MYOCD: variants seen among roughly 807,000 people sequenced by gnomAD.
The protein encoded by MYOCD is myocardin.
MYOCD carries 32 observed loss-of-function variants against 96.1 expected under a neutral mutation model. The ratio of observed to expected loss-of-function variants is 0.33; its 90% CI spans 0.25 to 0.45. The LOEUF (loss-of-function observed/expected upper bound fraction) is 0.45. Among genes scored for constraint, MYOCD ranks in the 20% least tolerant of loss-of-function variants. The pLI is 1.00. For synonymous variants in MYOCD, 469 were observed against 469.0 expected, an observed-to-expected ratio of 1.00 and a Z score of 0.00; for missense variants, 1,133 against 1,200.6, an observed-to-expected ratio of 0.94 and a Z score of 0.83.
At chr17:12,721,952 A>G (rs1376071879) in intron 4 of MYOCD, among the ~76,000 whole-genome samples, 2 of 152,192 alleles carry the variant, frequency 1.3e-5, no homozygotes, top group African/African-American at 4.8e-5. Context: ...TGTGGCAACC[A>G]ATAAGACATC....
In MYOCD at chr17:12,707,420, A is replaced by G. The variant is rs193277353; in HGVS notation, c.121+2227A>G. 1.9e-3 allele frequency among the ~76,000 whole-genome samples: 295 copies of G among 152,204 alleles called. 1 individual carries two copies. The highest frequency in any genetic ancestry group is 2.7e-3 in the Non-Finnish European group (187 of 68,008). On this transcript the variant is annotated intron_variant, in intron 2 of 13. Coordinates refer to ENST00000425538, the MANE Select transcript of MYOCD (RefSeq NM_001146312.3). ...GGAAAGCTGATAAAAAGCACACAGA[A>G]GCAGGCTGGGCACGGTGACTCAAGC...
Position 12,765,504 on chromosome 17 carries a change from G to C in MYOCD, c.*1860G>C, listed in dbSNP as rs879327605. 8 of 152,122 alleles carry C rather than the reference G, an allele frequency of 5.3e-5. No individual in the cohort carries two copies. Among genetic ancestry groups the C allele is most frequent in the Non-Finnish European group, 7.3e-5 (5 of 68,034 alleles). The allele number at this position is 152,122 out of a possible 1,614,324, so 9.4% of individuals were successfully genotyped here. A position where few individuals can be genotyped will look rare whatever the true frequency, so the allele number is the denominator to read the frequency against. On this transcript the variant is annotated 3_prime_UTR_variant, in exon 14 of 14. Transcript: ENST00000425538. ...AAAGCTGCCAGATCTTATTCTGGGG[G>C]TGGGATGTGGAGGAATACACATACA...
intron 5 of MYOCD, among the ~76,000 whole-genome samples, chr17:12,731,375 T>G (rs1438195669): frequency 2.6e-5 from 4 of 152,162 alleles, no homozygotes; most frequent in Non-Finnish European, 5.9e-5. Flanking sequence ...AAGGAACCTC[T>G]CAGGACCAAC....
At chr17:12,728,923 A>AGG (rs1252531347) in intron 5 of MYOCD, among the ~76,000 whole-genome samples, 1 of 152,240 alleles carries the variant, frequency 6.6e-6, no homozygotes, top group Non-Finnish European at 1.5e-5. Flanking sequence ...ACCCATTTCT[A>AGG]TCATTTACAT....
At chr17:12,691,764 G>A (rs1271003693) in intron 1 of MYOCD, among the ~76,000 whole-genome samples, 1 of 152,212 alleles carries the variant, frequency 6.6e-6, no homozygotes, top group Admixed American at 6.5e-5. Context: ...TTACACTCAT[G>A]AGATAAAAGT....
chr17:12,730,735 C>T (rs1039364498), intron 5 of MYOCD, among the ~76,000 whole-genome samples: 2 of 152,118 alleles, frequency 1.3e-5, no homozygotes, highest in Non-Finnish European at 2.9e-5. Flanking sequence ...CAGTCTCTTC[C>T]AGGATGTCAG....
intron 1 of MYOCD, among the ~76,000 whole-genome samples, chr17:12,694,954 G>A (rs905720294): frequency 1.3e-5 from 2 of 150,664 alleles, no homozygotes; most frequent in Non-Finnish European, 2.9e-5. Flanking sequence ...CATTTGATGG[G>A]TATTAAATGG....
intron 1 of MYOCD, among the ~76,000 whole-genome samples, chr17:12,675,836 G>A (rs2150632209): frequency 6.6e-6 from 1 of 152,310 alleles, no homozygotes; most frequent in African/African-American, 2.4e-5. Flanking sequence ...TCCAGCCTGG[G>A]TGACAGAGCA....
In MYOCD at chr17:12,705,401, G is replaced by A. The variant is rs2031252555; in HGVS notation, c.121+208G>A. The A allele has an allele frequency of 1.3e-5, 6 of 453,856 alleles. No homozygotes were observed. In the Admixed American group the frequency reaches 2.1e-4, roughly 16 times the overall value. The allele number at this position is 453,856 out of a possible 1,614,324, so 28.1% of individuals were successfully genotyped here. On this transcript the variant is annotated intron_variant, in intron 2 of 13. Transcript: ENST00000425538. ...CAAGGGGCTCCTTTTAATGATACTG[G>A]TTATGCCTAAAATTCCAATGTAGTG...
intron 9 of MYOCD, among the ~76,000 whole-genome samples, chr17:12,746,973 C>T (rs1047535532): frequency 2.0e-5 from 3 of 152,000 alleles, no homozygotes; most frequent in African/African-American, 7.2e-5. Context: ...GGTGATCCAC[C>T]GGCCTTGGCC....
At chr17:12,677,061 C>G (rs78035225) in intron 1 of MYOCD, among the ~76,000 whole-genome samples, 6 of 152,166 alleles carry the variant, frequency 3.9e-5, no homozygotes, top group African/African-American at 1.4e-4. Flanking sequence ...TTAATTCACA[C>G]TATGCAGCCA....
At chr17:12,759,794 A>G (rs577225899) in intron 12 of MYOCD, among the ~76,000 whole-genome samples, 1 of 152,340 alleles carries the variant, frequency 6.6e-6, no homozygotes, top group Non-Finnish European at 1.5e-5. Flanking sequence ...TGGAGCAACC[A>G]AGCAAGAGGT....
intron 6 of MYOCD, among the ~76,000 whole-genome samples, 181 bp downstream of exon 6, chr17:12,736,517 G>A (rs1003597972): frequency 2.0e-5 from 3 of 152,156 alleles, no homozygotes; most frequent in Non-Finnish European, 4.4e-5. Context: ...TGTGTGGGGT[G>A]ACAAAAGCTC....
At position 12,763,598 on chromosome 17, in the gene MYOCD, A is replaced by G; in HGVS notation, c.2915A>G (p.Asp972Gly). 1.2e-6 allele frequency: 2 copies of G among 1,614,020 alleles called. No homozygotes were observed. Among genetic ancestry groups the G allele is most frequent in the Non-Finnish European group, 1.7e-6 (2 of 1,179,970 alleles). ...AACATCGATTTCCTGGATGTCACTG[A>G]TCTCAATTTGAATTCTTCCATGGAC... ...IFNIDFLDVT[D>G]LNLNSSMDLH... The change falls in exon 14 of 14, where the codon GAT (aspartate) becomes GGT (glycine). Residue 972 changes from aspartate (D) to glycine (G), a missense_variant. Coordinates refer to ENST00000425538, the MANE Select transcript of MYOCD (RefSeq NM_001146312.3).
At position 12,713,552 on chromosome 17, in the gene MYOCD, C is replaced by T. The variant is rs1479584152; in HGVS notation, c.122-1967C>T. Among the ~76,000 whole-genome samples the T allele has an allele frequency of 2.0e-5, 3 of 152,174 alleles. No homozygotes were observed. In the South Asian group the frequency reaches 6.2e-4, roughly 31 times the overall value. On this transcript the variant is annotated intron_variant, in intron 2 of 13. Coordinates refer to ENST00000425538, the MANE Select transcript of MYOCD (RefSeq NM_001146312.3). ...GGCCACACGAAGATCCATTCATTTT[C>T]TGGGTTATGTAAGTAATTAAACTAC... is the stretch of plus-strand genomic sequence containing the variant.
intron 5 of MYOCD, among the ~76,000 whole-genome samples, chr17:12,733,191 G>A (rs946292532): frequency 6.6e-6 from 1 of 151,642 alleles, no homozygotes. Context: ...GTGCCTGTAG[G>A]ACCAGCTACT....
intron 1 of MYOCD, among the ~76,000 whole-genome samples, chr17:12,677,416 A>T (rs115950603): frequency 0.14 from 20,944 of 148,350 alleles, 1,671 homozygotes; most frequent in African/African-American, 0.21. Context: ...CTTAAAAATT[A>T]AAAAAAAACT....
chr17:12,708,164 T>C (rs904851996), intron 2 of MYOCD, among the ~76,000 whole-genome samples: 18 of 152,098 alleles, frequency 1.2e-4, no homozygotes, highest in African/African-American at 4.1e-4. Flanking sequence ...GAAACTGAGG[T>C]TAAAGAGGCC....
rs71144923 is a variant in MYOCD, at chr17:12,754,061, GGTGT to G, written c.2058+726_2058+729del. On this transcript the variant is annotated intron_variant, in intron 10 of 13. Coordinates refer to ENST00000425538, the MANE Select transcript of MYOCD (RefSeq NM_001146312.3). ...ACATCTTATGGAGAAAAAGCAAAGA[GGTGT>G]GTGTGTGTGTATGTGTGTGTGTGTG... Among the ~76,000 whole-genome samples the G allele has an allele frequency of 2.0e-5, 3 of 149,478 alleles. No individual in the cohort carries two copies. The South Asian group carries it at 6.4e-4, about 32-fold the overall frequency.
Sources: allele counts gnomAD v4.1 joint callset (sites outside exome capture counted in the v4.1 genomes callset), GRCh38; gene constraint gnomAD v4.1.1; transcripts MANE v1.5; gene names NCBI Gene and HGNC (gene_info 2026-07-23, HGNC 2026-07-21).